Variants in RIT2 observed in about 807,000 individuals in gnomAD.
RIT2 encodes the protein Ras like without CAAX 2.
Under a neutral mutation model 23.7 loss-of-function variants are expected in RIT2, and 24 were observed. That is an observed-to-expected ratio of 1.01 (90% CI 0.73 to 1.43). The LOEUF (loss-of-function observed/expected upper bound fraction) is 1.43, where lower values mean the gene tolerates loss of function less well. Among genes scored for constraint, RIT2 ranks in the 40% most tolerant of loss-of-function variants. RIT2 has a pLI of 0.00. For missense variants in RIT2, 236 were observed against 266.9 expected (o/e 0.88, Z 0.81); for synonymous variants, 107 against 91.1 (o/e 1.17, Z -0.99).
In RIT2 at chr18:42,951,472, A is replaced by T. The variant is rs558811325; in HGVS notation, c.234+22602T>A. ...AAAGCATTGAAAAACTAACAGCTGG[A>T]TGCTATTCTCTGTACCTGGGCGATG... On this transcript the variant is annotated intron_variant, in intron 3 of 4. Transcript: ENST00000326695. 9.9e-5 allele frequency among the ~76,000 whole-genome samples: 15 copies of T among 152,100 alleles called. No individual in the cohort carries two copies. The East Asian group carries it at 2.9e-3, about 30-fold the overall frequency.
chr18:43,077,400 T>C lies in RIT2; in HGVS notation c.103+38017A>G, dbSNP rs531810360. Among the ~76,000 whole-genome samples the C allele has an allele frequency of 3.9e-5, 6 of 152,150 alleles. No homozygotes were observed. In the South Asian group the frequency reaches 1.2e-3, roughly 32 times the overall value. The stretch of plus-strand genomic sequence containing the variant: ...TTTCTTGCTTGTATCCCTGATGACA[T>C]GGCCAAAATACTCTTTTCTTGAACA... On this transcript the variant is annotated intron_variant, in intron 1 of 4. Coordinates refer to ENST00000326695, the MANE Select transcript of RIT2 (RefSeq NM_002930.4).
At chr18:42,941,394 T>TTAGAG (rs1284506779) in intron 3 of RIT2, among the ~76,000 whole-genome samples, 8 of 151,936 alleles carry the variant, frequency 5.3e-5, no homozygotes, top group Non-Finnish European at 1.0e-4. Context: ...TTTTTCTGAG[T>TTAGAG]TAGAGCATCA....
chr18:43,114,871 A>G (rs971422602), intron 1 of RIT2, among the ~76,000 whole-genome samples: 1 of 152,186 alleles, frequency 6.6e-6, no homozygotes, highest in Non-Finnish European at 1.5e-5. Flanking sequence ...ATCATTCCAT[A>G]AATCACTGCC....
chr18:42,745,171 G>C (rs1453946619), intron 4 of RIT2, among the ~76,000 whole-genome samples: 2 of 152,026 alleles, frequency 1.3e-5, no homozygotes, highest in African/African-American at 4.8e-5. Context: ...TCAAAATTTA[G>C]TGATCCCATA....
chr18:43,020,626 A>G (rs1280990444), intron 2 of RIT2, among the ~76,000 whole-genome samples: 1 of 152,154 alleles, frequency 6.6e-6, no homozygotes, highest in Non-Finnish European at 1.5e-5. Context: ...CTATAGTCAC[A>G]AAAACAACAT....
chr18:42,981,783 A>C (rs977536003), intron 2 of RIT2, among the ~76,000 whole-genome samples: 8 of 152,188 alleles, frequency 5.3e-5, no homozygotes, highest in African/African-American at 1.7e-4. Context: ...ATAAGCAATA[A>C]TAACATACAT....
chr18:42,902,048 A>G (rs1322932112), intron 4 of RIT2, among the ~76,000 whole-genome samples: 2 of 151,948 alleles, frequency 1.3e-5, no homozygotes, highest in Admixed American at 1.3e-4. Context: ...ACAAATCACT[A>G]ATTTTGAGAT....
At chr18:43,051,553 G>T (rs967263481) in intron 1 of RIT2, among the ~76,000 whole-genome samples, 1 of 151,986 alleles carries the variant, frequency 6.6e-6, no homozygotes, top group Non-Finnish European at 1.5e-5. Context: ...TCATAAATTG[G>T]ACATGTGTGT....
intron 2 of RIT2, among the ~76,000 whole-genome samples, chr18:42,987,364 G>A (rs576687211): frequency 6.6e-6 from 1 of 152,064 alleles, no homozygotes; most frequent in African/African-American, 2.4e-5. Context: ...CATTGCCATG[G>A]GAAAAATATT....
intron 2 of RIT2, among the ~76,000 whole-genome samples, chr18:43,025,675 T>A (rs2144271307): frequency 6.6e-6 from 1 of 152,214 alleles, no homozygotes; most frequent in African/African-American, 2.4e-5. Context: ...AAAGAAATCA[T>A]GTCTTCTGCA....
At chr18:42,779,630 A>G (rs1913759062) in intron 4 of RIT2, among the ~76,000 whole-genome samples, 1 of 152,226 alleles carries the variant, frequency 6.6e-6, no homozygotes, top group Non-Finnish European at 1.5e-5. Flanking sequence ...GAAATATGTG[A>G]TCACAATATA....
intron 1 of RIT2, among the ~76,000 whole-genome samples, chr18:43,094,361 A>C (rs950947871): frequency 6.6e-6 from 1 of 151,926 alleles, no homozygotes; most frequent in Admixed American, 6.6e-5. Context: ...CTTGCTTTTA[A>C]TCATCTCATA....
intron 4 of RIT2, among the ~76,000 whole-genome samples, chr18:42,890,739 A>C (rs1011284207): frequency 6.6e-6 from 1 of 152,106 alleles, no homozygotes; most frequent in Admixed American, 6.6e-5. Flanking sequence ...TTGGTTTCAC[A>C]TTCTTTCAGC....
At chr18:43,070,799 C>T (rs1912880788) in intron 1 of RIT2, among the ~76,000 whole-genome samples, 1 of 152,184 alleles carries the variant, frequency 6.6e-6, no homozygotes, top group Admixed American at 6.5e-5. Context: ...CAGCACTAAT[C>T]CAGTCAGTTA....
intron 4 of RIT2, among the ~76,000 whole-genome samples, chr18:42,852,443 T>A (rs536260199): frequency 1.3e-5 from 2 of 152,334 alleles, no homozygotes; most frequent in South Asian, 4.1e-4. Context: ...AACTGATGTG[T>A]CTAAATATGA....
At chr18:43,036,451 A>T (rs908041935) in intron 1 of RIT2, among the ~76,000 whole-genome samples, 8 of 152,128 alleles carry the variant, frequency 5.3e-5, no homozygotes, top group Non-Finnish European at 8.8e-5. Flanking sequence ...GAGGCAGGAG[A>T]ATCACTTGAA....
At chr18:43,076,222 C>T (rs567624768) in intron 1 of RIT2, among the ~76,000 whole-genome samples, 53 of 152,280 alleles carry the variant, frequency 3.5e-4, no homozygotes, top group African/African-American at 1.3e-3. Context: ...CCTGGATATA[C>T]AGAATGGTGA....
At chr18:42,775,166 G>A (rs1913638084) in intron 4 of RIT2, among the ~76,000 whole-genome samples, 1 of 152,082 alleles carries the variant, frequency 6.6e-6, no homozygotes, top group Admixed American at 6.6e-5. Flanking sequence ...TTTGGCTGAG[G>A]GTTCTGTTCA....
intron 4 of RIT2, among the ~76,000 whole-genome samples, chr18:42,886,798 T>A (rs1022219016): frequency 1.3e-5 from 2 of 152,194 alleles, no homozygotes; most frequent in African/African-American, 2.4e-5. Flanking sequence ...GGCTGTTTTT[T>A]AATTATGAGA....
Sources: allele counts gnomAD v4.1 joint callset (sites outside exome capture counted in the v4.1 genomes callset), GRCh38; gene constraint gnomAD v4.1.1; transcripts MANE v1.5; gene names NCBI Gene and HGNC (gene_info 2026-07-23, HGNC 2026-07-21).